The following ANKRD44 variants were observed in gnomAD, a reference collection of about 807,000 sequenced individuals.
ANKRD44 encodes serine/threonine-protein phosphatase 6 regulatory ankyrin repeat subunit B.
A neutral mutation model predicts 116.0 loss-of-function variants in ANKRD44; 35 were observed. That is an observed-to-expected ratio of 0.30 (90% CI 0.23 to 0.40). The LOEUF (loss-of-function observed/expected upper bound fraction) is 0.40, where lower values mean the gene tolerates loss of function less well. ANKRD44 is among the 10% of genes least tolerant of loss of function. ANKRD44 has a pLI of 1.00. For synonymous variants in ANKRD44, 435 were observed against 461.8 expected (o/e 0.94, Z 0.74); for missense variants, 1,014 against 1,242.6 (o/e 0.82, Z 2.77).
chr2:197,092,602 C>T (rs1469555010), intron 10 of ANKRD44, among the ~76,000 whole-genome samples: 4 of 152,096 alleles, frequency 2.6e-5, no homozygotes, highest in Non-Finnish European at 4.4e-5. Context: ...ATGGAGATTC[C>T]AGCCCAGTGT....
chr2:197,002,255 G>A (rs2076127236), intron 21 of ANKRD44, among the ~76,000 whole-genome samples: 1 of 152,208 alleles, frequency 6.6e-6, no homozygotes, highest in South Asian at 2.1e-4. Context: ...GCGAAACTGT[G>A]ATTAGGAGAA....
intron 16 of ANKRD44, among the ~76,000 whole-genome samples, chr2:197,053,699 T>G (rs187084372): frequency 7.0e-4 from 106 of 152,326 alleles, no homozygotes; most frequent in African/African-American, 2.5e-3. Context: ...GCCAGGCTGG[T>G]CATGAACTCC....
chr2:197,099,163 T>C (rs1426352077), intron 10 of ANKRD44, among the ~76,000 whole-genome samples: 3 of 152,172 alleles, frequency 2.0e-5, no homozygotes, highest in Non-Finnish European at 4.4e-5. Context: ...CCTGTCTATA[T>C]TCTGTGACAC....
chr2:197,176,250 C>A (rs76040588), intron 2 of ANKRD44, among the ~76,000 whole-genome samples: 1 of 152,176 alleles, frequency 6.6e-6, no homozygotes, highest in South Asian at 2.1e-4. Context: ...TTCAAAACTT[C>A]GAAATTTTAG....
intron 16 of ANKRD44, among the ~76,000 whole-genome samples, chr2:197,058,677 T>A (rs1347773374): frequency 2.6e-5 from 4 of 152,158 alleles, no homozygotes; most frequent in African/African-American, 7.2e-5. Context: ...GTATCCAAGA[T>A]AAAAAGGAAG....
chr2:197,296,352 G>A (rs1413238701), intron 1 of ANKRD44: 1 of 152,206 alleles, frequency 6.6e-6, no homozygotes, highest in Non-Finnish European at 1.5e-5. Flanking sequence ...AGCTCTGGTT[G>A]TTTCTTTTGC....
At chr2:197,263,313 T>A in intron 1 of ANKRD44, 1 of 664,932 alleles carries the variant, frequency 1.5e-6, no homozygotes, top group Admixed American at 2.0e-5. Context: ...TCAAGGGACA[T>A]CGACACAACA....
intron 1 of ANKRD44, among the ~76,000 whole-genome samples, chr2:197,275,787 G>A (rs1470951748): frequency 6.6e-6 from 1 of 152,092 alleles, no homozygotes; most frequent in Non-Finnish European, 1.5e-5. Flanking sequence ...CAGTGCTCTA[G>A]AAAATTTCTT....
chr2:197,267,290 T>C (rs1349130729), intron 1 of ANKRD44, among the ~76,000 whole-genome samples: 1 of 152,202 alleles, frequency 6.6e-6, no homozygotes, highest in East Asian at 1.9e-4. Context: ...TCCAGAATCT[T>C]TAATGTAATT....
chr2:197,125,813 A>G (rs745992478), intron 5 of ANKRD44, 24 bp downstream of exon 5: 3 of 1,611,980 alleles, frequency 1.9e-6, no homozygotes, highest in Non-Finnish European at 2.5e-6. Flanking sequence ...GAGCGTTCCA[A>G]TTCTGAATGA....
At chr2:197,096,642 T>C (rs1289640890) in intron 10 of ANKRD44, among the ~76,000 whole-genome samples, 2 of 152,240 alleles carry the variant, frequency 1.3e-5, no homozygotes, top group South Asian at 4.1e-4. Context: ...AGAGTTAATT[T>C]AAATACATTT....
At chr2:197,140,379 T>C (rs1437597366) in intron 3 of ANKRD44, among the ~76,000 whole-genome samples, 2 of 152,088 alleles carry the variant, frequency 1.3e-5, no homozygotes, top group Non-Finnish European at 2.9e-5. Flanking sequence ...TGGAGTGTAG[T>C]GGCATTATAG....
intron 1 of ANKRD44, among the ~76,000 whole-genome samples, chr2:197,190,683 T>C (rs550523414): frequency 1.3e-5 from 2 of 152,344 alleles, no homozygotes; most frequent in East Asian, 3.9e-4. Flanking sequence ...TACTATATTA[T>C]ATGATGTTTA....
intron 2 of ANKRD44, among the ~76,000 whole-genome samples, chr2:197,153,089 C>A (rs2079697680): frequency 6.6e-6 from 1 of 151,460 alleles, no homozygotes; most frequent in Admixed American, 6.6e-5. Context: ...TGCCTGTGGT[C>A]CCAGATACTT....
intron 1 of ANKRD44, among the ~76,000 whole-genome samples, chr2:197,230,256 T>C (rs531217062): frequency 6.6e-6 from 1 of 152,278 alleles, no homozygotes. Flanking sequence ...GATTGACTGT[T>C]CTTCTTCCTC....
intron 17 of ANKRD44, among the ~76,000 whole-genome samples, chr2:197,023,296 A>G (rs2076531898): frequency 6.6e-6 from 1 of 152,198 alleles, no homozygotes; most frequent in Non-Finnish European, 1.5e-5. Flanking sequence ...CACACAATAA[A>G]CAATTCAATA....
At chr2:197,117,179 C>T (rs1365593642) in intron 8 of ANKRD44, among the ~76,000 whole-genome samples, 1 of 50,552 alleles carries the variant, frequency 2.0e-5, no homozygotes, top group Non-Finnish European at 4.8e-5. Context: ...AACTACTCTG[C>T]TGCACCACCT....
intron 16 of ANKRD44, among the ~76,000 whole-genome samples, chr2:197,044,170 C>T (rs1391851508): frequency 1.3e-5 from 2 of 152,176 alleles, no homozygotes; most frequent in African/African-American, 2.4e-5. Flanking sequence ...TGTATGTTAT[C>T]ATAGTCAAAA....
chr2:197,263,076 C>T, intron 1 of ANKRD44: 1 of 436,386 alleles, frequency 2.3e-6, no homozygotes, highest in Non-Finnish European at 4.4e-6. Context: ...TGCACTGGGC[C>T]CAGCTCTCCT....
Sources: allele counts gnomAD v4.1 joint callset (sites outside exome capture counted in the v4.1 genomes callset), GRCh38; gene constraint gnomAD v4.1.1; transcripts MANE v1.5; gene names NCBI Gene and HGNC (gene_info 2026-07-23, HGNC 2026-07-21).